The following TFE3 variants were observed in gnomAD, a reference collection of about 807,000 sequenced individuals.
The protein encoded by TFE3 is transcription factor E3.
Under a neutral mutation model 35.0 loss-of-function variants are expected in TFE3, and 5 were observed. The observed-to-expected ratio is 0.14, with a 90% CI of 0.07 to 0.30. The LOEUF is 0.30. TFE3 is among the 10% of genes least tolerant of loss of function. TFE3 has a pLI of 1.00. For synonymous variants in TFE3, 211 were observed against 215.6 expected, an observed-to-expected ratio of 0.98 and a Z score of 0.18; for missense variants, 374 against 496.6, an observed-to-expected ratio of 0.75 and a Z score of 2.35.
chrX:49,036,217 G>A (rs1161176812), intron 5 of TFE3, among the ~76,000 whole-genome samples: 3 of 107,191 alleles, frequency 2.8e-5, no homozygotes, highest in Non-Finnish European at 3.9e-5. Context: ...CCTGTAATCC[G>A]AGAACTTTGG....
At chrX:49,036,552 C>G (rs2064731419) in intron 5 of TFE3, among the ~76,000 whole-genome samples, 1 of 109,079 alleles carries the variant, frequency 9.2e-6, no homozygotes, top group African/African-American at 3.3e-5. Flanking sequence ...TGCCTGTAAT[C>G]CCAGCACTTT....
intron 3 of TFE3, among the ~76,000 whole-genome samples, 155 bp downstream of exon 3, chrX:49,038,952 A>G (rs1301765312): frequency 1.8e-5 from 2 of 110,839 alleles, no homozygotes; most frequent in Non-Finnish European, 3.8e-5. Flanking sequence ...CACATGAGAC[A>G]TGAACACAGA....
chrX:49,039,468 C>A lies in TFE3; in HGVS notation c.231-58G>T, dbSNP rs782759681. On this transcript the variant is annotated intron_variant, in intron 2 of 9. Coordinates refer to ENST00000315869, the MANE Select transcript of TFE3 (RefSeq NM_006521.6). ...GGTAAGCTAAAAGTCTCATCCCAAG[C>A]CTAAAGGGTCTTAGCGTGACGGAGC... 136 of 1,090,077 alleles carry A rather than the reference C, an allele frequency of 1.2e-4. No homozygotes were observed. The South Asian group carries it at 2.9e-3, about 23-fold the overall frequency. 89.8% of individuals were successfully genotyped at this position (1,090,077 alleles called of 1,213,427 possible).
chrX:49,039,408 A>G lies in TFE3; in HGVS notation c.233T>C (p.Leu78Pro), dbSNP rs782756569. ...TGGTGTGGCCTGCAGTGATATTGGG[A>G]GGCTGTGGAATGGGAAATATGGGGC... is the stretch of plus-strand genomic sequence containing the variant. ...KSQPLPLRSS[L>P]PISLQATPAT... is the part of the protein sequence containing the mutation. The change falls in exon 3 of 10, where the codon CTC (leucine) becomes CCC (proline). Residue 78 changes from leucine to proline, a missense_variant and splice_region_variant. Around this residue, in one of 3 missense-constraint regions of TFE3, gnomAD observed 90 missense variants for 87.5 expected, o/e 1.03. Transcript: ENST00000315869. 121 of 1,171,346 alleles carry G rather than the reference A, an allele frequency of 1.0e-4. No individual in the cohort carries two copies. The highest frequency in any genetic ancestry group is 1.0e-4 in the Non-Finnish European group (91 of 876,376).
At chrX:49,036,478 A>AG (rs1374987362) in intron 5 of TFE3, among the ~76,000 whole-genome samples, 1 of 35,832 alleles carries the variant, frequency 2.8e-5, no homozygotes, top group East Asian at 1.1e-3. Flanking sequence ...AAAAAAAAAA[A>AG]AAAATTCAAT....
At chrX:49,037,726 T>A (rs2147774953) in intron 5 of TFE3, 2 of 217,331 alleles carry the variant, frequency 9.2e-6, no homozygotes, top group East Asian at 9.0e-5. Context: ...AAGATTATCA[T>A]CTCTTGGTAC....
At position 49,030,521 on chromosome X, in the gene TFE3, A is replaced by C. The variant is rs781929782; in HGVS notation, c.1365T>G (p.Ala455=). The C allele has an allele frequency of 1.3e-5, 16 of 1,209,711 alleles. No individual in the cohort carries two copies. The East Asian group carries it at 2.7e-4, about 20-fold the overall frequency. ...GCTGCTCTGGCTTGAGGCTGTCAGA[A>C]GCCGAAGTCGTGGCCAAGGAAAGCA... is the stretch of plus-strand genomic sequence containing the variant. ...PGLLSLATTS[A]SDSLKPEQLD... Residue 455 remains alanine (A), a synonymous_variant, in exon 10 of 10, where the codon GCT becomes GCG. Transcript: ENST00000315869.
At chrX:49,035,698 T>G (rs1345808951) in intron 5 of TFE3, among the ~76,000 whole-genome samples, 1 of 109,147 alleles carries the variant, frequency 9.2e-6, no homozygotes, top group African/African-American at 3.3e-5. Context: ...TGAGCCACCG[T>G]GCCTGGCTGA....
At chrX:49,031,732 A>G in intron 8 of TFE3, 188 bp from the exon 9 acceptor site, 1 of 410,986 alleles carries the variant, frequency 2.4e-6, no homozygotes, top group Non-Finnish European at 3.9e-6. Flanking sequence ...GCCCCATCAC[A>G]CTCCAAACCC....
intron 1 of TFE3, among the ~76,000 whole-genome samples, chrX:49,041,185 C>T (rs958681540): frequency 4.5e-5 from 5 of 111,135 alleles, no homozygotes; most frequent in African/African-American, 1.6e-4. Flanking sequence ...CTTGCCTCGG[C>T]CTCCCAAAGT....
intron 3 of TFE3, among the ~76,000 whole-genome samples, chrX:49,038,899 C>T (rs1602498480): frequency 9.0e-6 from 1 of 110,912 alleles, no homozygotes; most frequent in Non-Finnish European, 1.9e-5. Context: ...ATGGCCCCCA[C>T]GAACTCCTCG....
At chrX:49,040,369 G>A (rs1755656393) in intron 2 of TFE3, 86 bp downstream of exon 2, 3 of 702,269 alleles carry the variant, frequency 4.3e-6, no homozygotes, top group African/African-American at 2.1e-5. Flanking sequence ...AATGGGTTGG[G>A]CTGGTACTGA....
Position 49,038,420 on chromosome X carries a change from G to T in TFE3, c.557C>A (p.Pro186Gln). Residue 186 changes from proline (P) to glutamine (Q), a missense_variant, in exon 4 of 10, where the codon CCA becomes CAA. Pro to Gln is a moderately conservative substitution (Grantham distance 76). This residue lies in a region of TFE3 where 167 missense variants were observed against 297.2 expected (regional missense o/e 0.56). Coordinates refer to ENST00000315869, the MANE Select transcript of TFE3 (RefSeq NM_006521.6). ...CGCCTGCTGCAGGTGGTAGCGCGTT[G>T]GGTTCTCCAGATGGGTCTGCACCTG... ...VLKVQTHLENPTRYHLQQARR... is the reference protein window; with the variant it reads ...VLKVQTHLENQTRYHLQQARR... 8.3e-7 allele frequency: 1 copy of T among 1,201,313 alleles called. No homozygotes were observed.
At chrX:49,034,002 G>T in intron 6 of TFE3, 132 bp downstream of exon 6, 1 of 639,192 alleles carries the variant, frequency 1.6e-6, no homozygotes, top group Non-Finnish European at 2.5e-6. Context: ...TAGGGGGAAA[G>T]GGGACAAACA....
At position 49,033,388 on chromosome X, in the gene TFE3, C is replaced by T. The variant is rs781845261; in HGVS notation, c.1136+77G>A. The T allele has an allele frequency of 7.5e-5, 75 of 994,288 alleles. No individual in the cohort carries two copies. In the African/African-American group the frequency reaches 1.3e-3, roughly 18 times the overall value. 81.9% of individuals were successfully genotyped at this position (994,288 alleles called of 1,213,427 possible). ...CCTGGGCCGAGACTGCCTGGTGAGC[C>T]CACCAAGGCACAATTTTAGTAGCAT... On this transcript the variant is annotated intron_variant, in intron 8 of 9. Transcript: ENST00000315869.
Position 49,038,215 on chromosome X carries a change from C to A in TFE3, c.762G>T (p.Gly254=), listed in dbSNP as rs1189002218. The A allele has an allele frequency of 2.5e-6, 3 of 1,210,214 alleles. No individual in the cohort carries two copies. The highest frequency in any genetic ancestry group is 3.4e-6 in the Non-Finnish European group (3 of 895,312). ...PNSPMALLTI[G]SSSEKEIDDV... is the part of the protein sequence containing the mutation. ...CTCTTACCTCCTTCTCTGAGCTGGA[C>A]CCGATGGTGAGCAGCGCCATGGGGC... is the stretch of plus-strand genomic sequence containing the variant. The change falls in exon 4 of 10, where the codon GGG becomes GGT. Residue 254 remains glycine, a synonymous_variant. Coordinates refer to ENST00000315869, the MANE Select transcript of TFE3 (RefSeq NM_006521.6).
chrX:49,038,440 C>T lies in TFE3; in HGVS notation c.537G>A (p.Val179=), dbSNP rs1557075155. 1.7e-6 allele frequency: 2 copies of T among 1,198,574 alleles called. No individual in the cohort carries two copies. Among genetic ancestry groups the T allele is most frequent in the East Asian group, 3.0e-5 (1 of 33,636 alleles). The change falls in exon 4 of 10, where the codon GTG becomes GTA. Residue 179 remains valine (V), a splice_region_variant and synonymous_variant. Coordinates refer to ENST00000315869, the MANE Select transcript of TFE3 (RefSeq NM_006521.6). ...GCGTTGGGTTCTCCAGATGGGTCTG[C>T]ACCTGTGAAATAAGGTAGACAAGGA... ...PAQVPREVLK[V]QTHLENPTRY...
chrX:49,043,292 A>C lies in TFE3; in HGVS notation c.-66T>G. 4.8e-6 allele frequency: 4 copies of C among 840,246 alleles called. No individual in the cohort carries two copies. The highest frequency in any genetic ancestry group is 6.5e-6 in the Non-Finnish European group (4 of 614,202). 69.2% of individuals were successfully genotyped at this position (840,246 alleles called of 1,213,427 possible). ...CTCGGCCCGGTCCCCCTAACAAAATAAGAGTCCCCCCTCCCCCCAGCTCGC... is the reference window on the plus strand; with the variant it reads ...CTCGGCCCGGTCCCCCTAACAAAATCAGAGTCCCCCCTCCCCCCAGCTCGC... On this transcript the variant is annotated 5_prime_UTR_variant, in exon 1 of 10. Transcript: ENST00000315869.
At chrX:49,033,393 A>C in intron 8 of TFE3, 72 bp downstream of exon 8, 1 of 1,032,619 alleles carries the variant, frequency 9.7e-7, no homozygotes, top group Non-Finnish European at 1.3e-6. Flanking sequence ...TGAGCCCACC[A>C]AGGCACAATT....
Sources: allele counts gnomAD v4.1 joint callset (sites outside exome capture counted in the v4.1 genomes callset), GRCh38; gene constraint gnomAD v4.1.1; regional missense constraint gnomAD v4.1.1; transcripts MANE v1.5; gene names NCBI Gene and HGNC (gene_info 2026-07-23, HGNC 2026-07-21).